Variants in MKX observed in about 807,000 individuals in gnomAD.
MKX encodes the protein homeobox protein Mohawk.
In MKX, 13 loss-of-function variants were observed where a neutral mutation model predicts 36.0. The observed-to-expected ratio is 0.36, with a 90% CI of 0.24 to 0.57. The LOEUF (loss-of-function observed/expected upper bound fraction) is 0.57. MKX is among the 20% of genes least tolerant of loss of function. The probability of loss-of-function intolerance (pLI) is 0.79; values close to 1 mark genes in which losing one functional copy is unlikely to be tolerated. For missense variants in MKX, 458 were observed against 456.4 expected (o/e 1.00, Z -0.03); for synonymous variants, 176 against 178.3 (o/e 0.99, Z 0.10).
In MKX at chr10:27,682,288, A is replaced by G. The variant is rs1306911577; in HGVS notation, c.839-6734T>C. ...GCTAAGTGTTATTACAAGAGTCAAA[A>G]CTTTTTTTAAAAAGCGTATAAAGTA... On this transcript the variant is annotated intron_variant, in intron 5 of 6. Coordinates refer to ENST00000419761, the MANE Select transcript of MKX (RefSeq NM_173576.3). Among the ~76,000 whole-genome samples the G allele has an allele frequency of 2.0e-5, 3 of 152,230 alleles. No homozygotes were observed. The East Asian group carries it at 5.8e-4, about 29-fold the overall frequency.
At chr10:27,723,749 T>A (rs141217442) in intron 5 of MKX, among the ~76,000 whole-genome samples, 56 of 152,338 alleles carry the variant, frequency 3.7e-4, no homozygotes, top group African/African-American at 1.3e-3. Flanking sequence ...TACATCAGTG[T>A]AGAAACTGGG....
intron 5 of MKX, among the ~76,000 whole-genome samples, chr10:27,722,212 T>C (rs1167634027): frequency 6.6e-6 from 1 of 152,192 alleles, no homozygotes; most frequent in Non-Finnish European, 1.5e-5. Context: ...CTTGGCCTCC[T>C]ACCCCATGGT....
intron 5 of MKX, among the ~76,000 whole-genome samples, chr10:27,708,319 T>A (rs562676650): frequency 2.1e-4 from 32 of 152,174 alleles, no homozygotes; most frequent in African/African-American, 7.0e-4. Context: ...TCACTGACCA[T>A]CACAAGGCCT....
At chr10:27,714,257 A>G (rs1363293838) in intron 5 of MKX, among the ~76,000 whole-genome samples, 1 of 152,168 alleles carries the variant, frequency 6.6e-6, no homozygotes, top group Non-Finnish European at 1.5e-5. Flanking sequence ...TTTAAATAAA[A>G]TGTATGTAGA....
intron 5 of MKX, among the ~76,000 whole-genome samples, chr10:27,686,516 A>G (rs992881263): frequency 6.6e-6 from 1 of 152,128 alleles, no homozygotes; most frequent in African/African-American, 2.4e-5. Context: ...TTGTTCTGTC[A>G]CCCAGGCTGG....
intron 5 of MKX, 44 bp from the exon 6 acceptor site, chr10:27,675,598 T>G: frequency 6.3e-7 from 1 of 1,580,740 alleles, no homozygotes. Flanking sequence ...TGTTTTTCCT[T>G]TCTTTTCTCA....
intron 5 of MKX, among the ~76,000 whole-genome samples, chr10:27,731,868 G>A (rs1834637361): frequency 6.6e-6 from 1 of 152,008 alleles, no homozygotes; most frequent in South Asian, 2.1e-4. Flanking sequence ...TCACCACACT[G>A]GGAAAATTGC....
chr10:27,693,441 C>T (rs991304861), intron 5 of MKX, among the ~76,000 whole-genome samples: 7 of 152,176 alleles, frequency 4.6e-5, no homozygotes, highest in Admixed American at 3.3e-4. Flanking sequence ...AGAGAACAAA[C>T]ACCATGATGA....
intron 5 of MKX, among the ~76,000 whole-genome samples, chr10:27,705,348 GT>G (rs1374443795): frequency 6.6e-6 from 1 of 151,810 alleles, no homozygotes; most frequent in Non-Finnish European, 1.5e-5. Context: ...ATATATATCT[GT>G]TTTTTTTGTT....
In MKX at chr10:27,743,181, C is replaced by T. The variant is rs771196849; in HGVS notation, c.188+47G>A. 5.7e-6 allele frequency: 8 copies of T among 1,407,710 alleles called. No individual in the cohort carries two copies. The East Asian group carries it at 8.5e-5, about 15-fold the overall frequency. 87.2% of individuals were successfully genotyped at this position (1,407,710 alleles called of 1,614,324 possible). A position where few individuals can be genotyped will look rare whatever the true frequency, so the allele number is the denominator to read the frequency against. Reference sequence around the variant, plus strand: ...ACCCCGTCACAGCTCACCACCCCCACCCCTCCGGGCCGCAGGCGGGCAGGG... The same window carrying T: ...ACCCCGTCACAGCTCACCACCCCCATCCCTCCGGGCCGCAGGCGGGCAGGG... On this transcript the variant is annotated intron_variant, in intron 2 of 6. Coordinates refer to ENST00000419761, the MANE Select transcript of MKX (RefSeq NM_173576.3).
intron 5 of MKX, among the ~76,000 whole-genome samples, chr10:27,703,211 C>T (rs992583383): frequency 2.6e-5 from 4 of 152,146 alleles, no homozygotes; most frequent in Non-Finnish European, 4.4e-5. Context: ...ACAAGGAACT[C>T]TTATATAGCA....
At chr10:27,726,446 T>C (rs1834490192) in intron 5 of MKX, among the ~76,000 whole-genome samples, 1 of 152,210 alleles carries the variant, frequency 6.6e-6, no homozygotes, top group African/African-American at 2.4e-5. Context: ...ACCTCCAAAG[T>C]AGTAGTATGC....
intron 5 of MKX, among the ~76,000 whole-genome samples, chr10:27,677,278 C>T (rs1314688334): frequency 3.3e-5 from 5 of 152,144 alleles, no homozygotes; most frequent in Non-Finnish European, 7.3e-5. Context: ...CTTTTCCTGC[C>T]CTTAGTCCTC....
intron 5 of MKX, among the ~76,000 whole-genome samples, chr10:27,712,141 A>G (rs1836884900): frequency 1.3e-5 from 2 of 152,084 alleles, no homozygotes; most frequent in South Asian, 2.1e-4. Flanking sequence ...CTCTGTCCCT[A>G]ATCATCAACT....
At chr10:27,682,175 T>G (rs985176925) in intron 5 of MKX, among the ~76,000 whole-genome samples, 1 of 152,044 alleles carries the variant, frequency 6.6e-6, no homozygotes, top group African/African-American at 2.4e-5. Flanking sequence ...AAATAAAAAA[T>G]GAAAAATTTT....
chr10:27,743,104 C>T, intron 2 of MKX, 124 bp downstream of exon 2: 1 of 951,108 alleles, frequency 1.1e-6, no homozygotes, highest in South Asian at 2.4e-5. Context: ...CAGACCTGCA[C>T]TCCCAGGGAA....
intron 5 of MKX, among the ~76,000 whole-genome samples, chr10:27,680,647 T>G (rs184681867): frequency 7.4e-4 from 112 of 152,264 alleles, no homozygotes; most frequent in African/African-American, 2.7e-3. Context: ...GACCAAAACG[T>G]GGCCAAATCT....
At chr10:27,716,273 A>C (rs867004100) in intron 5 of MKX, among the ~76,000 whole-genome samples, 1 of 152,098 alleles carries the variant, frequency 6.6e-6, no homozygotes, top group Non-Finnish European at 1.5e-5. Context: ...GCCATGGGGA[A>C]TAATCTAGCC....
chr10:27,721,168 A>G (rs1220184373), intron 5 of MKX, among the ~76,000 whole-genome samples: 2 of 152,174 alleles, frequency 1.3e-5, no homozygotes, highest in African/African-American at 4.8e-5. Flanking sequence ...TGAAATCCCA[A>G]ATTAACTTCT....
Sources: gnomAD v4.1 joint callset for allele counts (sites outside exome capture counted in the v4.1 genomes callset) on GRCh38, gnomAD v4.1.1 for gene constraint, MANE v1.5 for transcripts, NCBI Gene and HGNC (gene_info 2026-07-23, HGNC 2026-07-21) for gene names.